C3orf70: variants seen among roughly 807,000 people sequenced by gnomAD.
C3orf70 encodes the protein chromosome 3 open reading frame 70.
In C3orf70, 15 loss-of-function variants were observed where a neutral mutation model predicts 20.7. The observed-to-expected ratio is 0.72, with a 90% CI of 0.48 to 1.11. The LOEUF (loss-of-function observed/expected upper bound fraction) is 1.11. Among genes scored for constraint, C3orf70 ranks in the 50% most tolerant of loss-of-function variants. The pLI, the probability that C3orf70 is intolerant of heterozygous loss-of-function variation, is 0.00. For synonymous variants in C3orf70, 161 were observed against 125.7 expected, an observed-to-expected ratio of 1.28 and a Z score of -1.88; for missense variants, 332 against 317.6, an observed-to-expected ratio of 1.05 and a Z score of -0.34.
intron 1 of C3orf70, among the ~76,000 whole-genome samples, chr3:185,103,803 A>ATCC (rs1472588644): frequency 4.6e-5 from 7 of 152,206 alleles, no homozygotes; most frequent in Non-Finnish European, 1.0e-4. Context: ...AGCAGGTAAG[A>ATCC]TCCAACACAG....
intron 1 of C3orf70, among the ~76,000 whole-genome samples, chr3:185,140,466 T>C (rs151189755): frequency 2.3e-4 from 35 of 152,310 alleles, no homozygotes; most frequent in African/African-American, 8.2e-4. Context: ...ACATTAGCCA[T>C]TAGGTGAATG....
At chr3:185,115,429 G>C (rs944023965) in intron 1 of C3orf70, among the ~76,000 whole-genome samples, 2 of 152,160 alleles carry the variant, frequency 1.3e-5, no homozygotes, top group African/African-American at 4.8e-5. Flanking sequence ...TTATGGAGAA[G>C]GCTTCCTCTC....
intron 1 of C3orf70, among the ~76,000 whole-genome samples, chr3:185,137,686 A>G (rs929507460): frequency 6.6e-6 from 1 of 152,254 alleles, no homozygotes; most frequent in Non-Finnish European, 1.5e-5. Context: ...ATCAAAAGTT[A>G]CATGGAACTG....
At chr3:185,091,108 T>C (rs1431103135) in intron 1 of C3orf70, among the ~76,000 whole-genome samples, 1 of 145,060 alleles carries the variant, frequency 6.9e-6, no homozygotes, top group African/African-American at 2.9e-5. Flanking sequence ...CATGCTTCTA[T>C]AGGAGCTTTC....
intron 1 of C3orf70, among the ~76,000 whole-genome samples, chr3:185,124,924 C>T (rs1232566095): frequency 6.6e-6 from 1 of 152,236 alleles, no homozygotes; most frequent in Admixed American, 6.5e-5. Context: ...AACATCATTA[C>T]GTTAGAGAAG....
chr3:185,104,140 T>C lies in C3orf70; in HGVS notation c.197-20577A>G, dbSNP rs1167170194. Among the ~76,000 whole-genome samples the C allele has an allele frequency of 2.6e-5, 4 of 152,228 alleles. No individual in the cohort carries two copies. In the South Asian group the frequency reaches 8.3e-4, roughly 31 times the overall value. Reference sequence around the variant, plus strand: ...AATCCACTCTGGCTCCCCCCTCCGCTGTGGACAGCTTTCTTCTTTTGCTTA... The same window carrying C: ...AATCCACTCTGGCTCCCCCCTCCGCCGTGGACAGCTTTCTTCTTTTGCTTA... On this transcript the variant is annotated intron_variant, in intron 1 of 1. Coordinates refer to ENST00000335012, the MANE Select transcript of C3orf70 (RefSeq NM_001025266.3).
intron 1 of C3orf70, among the ~76,000 whole-genome samples, chr3:185,127,735 C>A (rs1716442678): frequency 6.6e-6 from 1 of 152,044 alleles, no homozygotes; most frequent in Non-Finnish European, 1.5e-5. Context: ...CCACCATGAC[C>A]GGCCACTATT....
rs1188606946 is a variant in C3orf70 at position 185,078,265 on chromosome 3, G to T, written c.*4742C>A. On this transcript the variant is annotated 3_prime_UTR_variant, in exon 2 of 2. Transcript: ENST00000335012. ...AGGTATGAACAGCCTTAAAAAGTGAGGTGGACACAACGATATAGAAGCTCA... is the reference window on the plus strand; with the variant it reads ...AGGTATGAACAGCCTTAAAAAGTGATGTGGACACAACGATATAGAAGCTCA... The T allele has an allele frequency of 6.6e-6, 1 of 152,566 alleles. No individual in the cohort carries two copies. The highest frequency in any genetic ancestry group is 1.5e-5 in the Non-Finnish European group (1 of 68,036). The allele number at this position is 152,566 out of a possible 1,614,324, so 9.5% of individuals were successfully genotyped here.
chr3:185,132,175 G>A (rs1442440674), intron 1 of C3orf70, among the ~76,000 whole-genome samples: 1 of 152,142 alleles, frequency 6.6e-6, no homozygotes, highest in Non-Finnish European at 1.5e-5. Flanking sequence ...GGGATAAACT[G>A]GAGCTCACAG....
In C3orf70 at chr3:185,152,584, C is replaced by A. The variant is rs1457852505; in HGVS notation, c.196+44G>T. The A allele has an allele frequency of 9.3e-6, 14 of 1,503,458 alleles. No homozygotes were observed. In the African/African-American group the frequency reaches 1.2e-4, roughly 13 times the overall value. The allele number at this position is 1,503,458 out of a possible 1,614,324, so 93.1% of individuals were successfully genotyped here. On this transcript the variant is annotated intron_variant, in intron 1 of 1. Transcript: ENST00000335012. ...CGACCCCGGACGGCCCGGCGGGCGT[C>A]CCCCGGACCGCGGCGGAAGGCGGGA...
chr3:185,120,164 A>T (rs1319768595), intron 1 of C3orf70, among the ~76,000 whole-genome samples: 1 of 152,222 alleles, frequency 6.6e-6, no homozygotes, highest in Non-Finnish European at 1.5e-5. Flanking sequence ...GTATAAATAC[A>T]TTTCTGTCTA....
At chr3:185,118,914 TC>T (rs974572592) in intron 1 of C3orf70, among the ~76,000 whole-genome samples, 1 of 152,102 alleles carries the variant, frequency 6.6e-6, no homozygotes, top group African/African-American at 2.4e-5. Context: ...ACTTAAAAAC[TC>T]CCCCTGCAAA....
intron 1 of C3orf70, among the ~76,000 whole-genome samples, chr3:185,145,472 T>TA (rs144587461): frequency 2.1e-5 from 1 of 46,622 alleles, no homozygotes; most frequent in Non-Finnish European, 5.2e-5. Context: ...TCAAATACAT[T>TA]ATTGTTTTTG....
intron 1 of C3orf70, among the ~76,000 whole-genome samples, chr3:185,102,590 G>A (rs555222640): frequency 5.3e-5 from 8 of 152,242 alleles, no homozygotes; most frequent in East Asian, 3.9e-4. Context: ...AAACGAGCCC[G>A]AATAGACAAG....
intron 1 of C3orf70, among the ~76,000 whole-genome samples, chr3:185,136,640 C>T (rs528374629): frequency 5.3e-5 from 8 of 152,250 alleles, no homozygotes; most frequent in African/African-American, 1.7e-4. Context: ...AGGAGAATGG[C>T]GTGAACCCGG....
chr3:185,098,900 C>T (rs1430252686), intron 1 of C3orf70, among the ~76,000 whole-genome samples: 2 of 152,232 alleles, frequency 1.3e-5, no homozygotes, highest in Non-Finnish European at 2.9e-5. Flanking sequence ...GTCATCCACA[C>T]TGTCAGCTCT....
intron 1 of C3orf70, among the ~76,000 whole-genome samples, chr3:185,148,315 C>T (rs2108608368): frequency 6.6e-6 from 1 of 152,304 alleles, no homozygotes; most frequent in South Asian, 2.1e-4. Flanking sequence ...AGATCCAAAA[C>T]TAGATTCATG....
Position 185,082,797 on chromosome 3 carries a change from G to GTAT in C3orf70, c.*209_*210insATA, listed in dbSNP as rs1715372125. On this transcript the variant is annotated 3_prime_UTR_variant, in exon 2 of 2. Transcript: ENST00000335012. ...CAGATGCTACATAGAAAGTAAGTCAGGATACAAAAGAAAACTGTTTATAAT... is the reference window on the plus strand; with the variant it reads ...CAGATGCTACATAGAAAGTAAGTCAGTATGATACAAAAGAAAACTGTTTATAAT... The GTAT allele has an allele frequency of 3.7e-6, 2 of 547,714 alleles. No homozygotes were observed. Among genetic ancestry groups the GTAT allele is most frequent in the Non-Finnish European group, 6.4e-6 (2 of 310,668 alleles). The allele number at this position is 547,714 out of a possible 1,614,324, so 33.9% of individuals were successfully genotyped here.
intron 1 of C3orf70, among the ~76,000 whole-genome samples, chr3:185,116,020 T>A (rs1043088441): frequency 1.3e-5 from 2 of 152,220 alleles, no homozygotes; most frequent in Non-Finnish European, 2.9e-5. Flanking sequence ...CCCTTGCAGA[T>A]GGTCTCTGCA....
Sources: gnomAD v4.1 joint callset for allele counts (sites outside exome capture counted in the v4.1 genomes callset) on GRCh38, gnomAD v4.1.1 for gene constraint, MANE v1.5 for transcripts, NCBI Gene and HGNC (gene_info 2026-07-23, HGNC 2026-07-21) for gene names.